SLX4IP: variants seen among roughly 807,000 people sequenced by gnomAD.
The protein encoded by SLX4IP is SLX4 interacting protein, also known as protein SLX4IP.
In SLX4IP, 34 loss-of-function variants were observed where a neutral mutation model predicts 32.9. The observed-to-expected ratio is 1.03, with a 90% confidence interval of 0.79 to 1.38. SLX4IP has a LOEUF of 1.38. Ranked by LOEUF, SLX4IP falls within the 40% of genes most tolerant of loss-of-function variation. SLX4IP has a pLI of 0.00. For synonymous variants in SLX4IP, 172 were observed against 171.7 expected (o/e 1.00, Z -0.01); for missense variants, 444 against 479.0 (o/e 0.93, Z 0.68).
At chr20:10,502,144 T>G (rs2065724759) in intron 2 of SLX4IP, among the ~76,000 whole-genome samples, 1 of 152,202 alleles carries the variant, frequency 6.6e-6, no homozygotes, top group Admixed American at 6.5e-5. Context: ...TCCTCAGTGC[T>G]AGTAAAGGTG....
intron 4 of SLX4IP, among the ~76,000 whole-genome samples, chr20:10,562,182 T>C (rs375631840): frequency 7.9e-5 from 12 of 152,306 alleles, no homozygotes; most frequent in African/African-American, 2.6e-4. Flanking sequence ...CTGCCTTATC[T>C]CAAGGACAGA....
At chr20:10,607,003 CT>C (rs2066913390) in intron 6 of SLX4IP, among the ~76,000 whole-genome samples, 1 of 152,056 alleles carries the variant, frequency 6.6e-6, no homozygotes, top group African/African-American at 2.4e-5. Context: ...CTGTAATGAT[CT>C]CTGCTTTCGA....
At chr20:10,593,134 T>C (rs998848108) in intron 4 of SLX4IP, among the ~76,000 whole-genome samples, 3 of 152,192 alleles carry the variant, frequency 2.0e-5, no homozygotes, top group African/African-American at 7.2e-5. Flanking sequence ...GGTTAGCACA[T>C]AGTAATCTGA....
intron 2 of SLX4IP, among the ~76,000 whole-genome samples, chr20:10,482,630 G>T (rs951654072): frequency 6.6e-6 from 1 of 152,130 alleles, no homozygotes; most frequent in Non-Finnish European, 1.5e-5. Context: ...TGGGGAGAGT[G>T]GGGTAGGGTG....
intron 4 of SLX4IP, among the ~76,000 whole-genome samples, chr20:10,583,835 A>C (rs144077183): frequency 6.6e-6 from 1 of 152,328 alleles, no homozygotes; most frequent in East Asian, 1.9e-4. Flanking sequence ...CTGTTTAAGC[A>C]AAACAAAATT....
At chr20:10,614,142 G>T in intron 6 of SLX4IP, 4 of 1,186,178 alleles carry the variant, frequency 3.4e-6, no homozygotes, top group Non-Finnish European at 4.9e-6. Flanking sequence ...GCCATCGGAG[G>T]CCTCGCGTTG....
chr20:10,582,054 AT>A (rs2066593003), intron 4 of SLX4IP, among the ~76,000 whole-genome samples: 1 of 152,184 alleles, frequency 6.6e-6, no homozygotes, highest in East Asian at 1.9e-4. Context: ...GCATAATAAA[AT>A]GTTATGAGCT....
At chr20:10,566,164 G>A in intron 4 of SLX4IP, among the ~76,000 whole-genome samples, 1 of 151,862 alleles carries the variant, frequency 6.6e-6, no homozygotes, top group East Asian at 1.9e-4. Context: ...CATCTGATTA[G>A]CATTCTTTAC....
chr20:10,496,183 A>G (rs773314282), intron 2 of SLX4IP, among the ~76,000 whole-genome samples: 10 of 152,036 alleles, frequency 6.6e-5, no homozygotes, highest in Non-Finnish European at 1.3e-4. Context: ...GTGCTTATGC[A>G]TGTGTCTGGG....
intron 4 of SLX4IP, among the ~76,000 whole-genome samples, chr20:10,598,167 C>A (rs2066795781): frequency 6.6e-6 from 1 of 152,196 alleles, no homozygotes; most frequent in African/African-American, 2.4e-5. Flanking sequence ...GGACTAGGGA[C>A]TATGCCAGCG....
chr20:10,576,779 T>C (rs2066528590), intron 4 of SLX4IP, among the ~76,000 whole-genome samples: 1 of 152,158 alleles, frequency 6.6e-6, no homozygotes, highest in South Asian at 2.1e-4. Flanking sequence ...ACAATATAAG[T>C]TGCTGCTAAA....
At chr20:10,570,603 A>T (rs2066451701) in intron 4 of SLX4IP, among the ~76,000 whole-genome samples, 3 of 150,900 alleles carry the variant, frequency 2.0e-5, no homozygotes, top group African/African-American at 7.3e-5. Flanking sequence ...ATCTCAGCTC[A>T]TTGCAACCTC....
chr20:10,553,540 C>T (rs530402002), intron 2 of SLX4IP, among the ~76,000 whole-genome samples: 6 of 152,278 alleles, frequency 3.9e-5, no homozygotes, highest in Admixed American at 2.6e-4. Flanking sequence ...TTGTGGCATG[C>T]GACCTCCACC....
At chr20:10,436,437 AT>A (rs1555803919) in intron 1 of SLX4IP, among the ~76,000 whole-genome samples, 1 of 151,600 alleles carries the variant, frequency 6.6e-6, no homozygotes, top group Non-Finnish European at 1.5e-5. Flanking sequence ...GCTCACTGCC[AT>A]CTCCGCCCCC....
intron 2 of SLX4IP, among the ~76,000 whole-genome samples, chr20:10,525,106 T>G (rs80259603): frequency 0.016 from 2,507 of 152,336 alleles, 32 homozygotes; most frequent in Non-Finnish European, 0.025. Context: ...ATAAAATCTT[T>G]ACAATCTGAT....
chr20:10,563,631 C>T (rs1005438873), intron 4 of SLX4IP, among the ~76,000 whole-genome samples: 10 of 152,086 alleles, frequency 6.6e-5, no homozygotes, highest in African/African-American at 1.4e-4. Flanking sequence ...TATGGATATC[C>T]GGTTTTCCCA....
chr20:10,569,412 C>T (rs143339438), intron 4 of SLX4IP, among the ~76,000 whole-genome samples: 5 of 152,076 alleles, frequency 3.3e-5, no homozygotes, highest in Non-Finnish European at 7.4e-5. Flanking sequence ...TGATCCACCC[C>T]CTTCGGCCTC....
At position 10,484,237 on chromosome 20, in the gene SLX4IP, T is replaced by G. The variant is rs2065552366; in HGVS notation, c.27+26006T>G. ...ATATTTTTCCTCCCCTACAATGAGA[T>G]AGCCTTTTATTTATTCATTCTGATA... On this transcript the variant is annotated intron_variant, in intron 2 of 7. Transcript: ENST00000334534. Among the ~76,000 whole-genome samples the G allele has an allele frequency of 3.9e-5, 6 of 152,134 alleles. No individual in the cohort carries two copies. In the South Asian group the frequency reaches 1.2e-3, roughly 32 times the overall value.
At chr20:10,455,930 T>C (rs147372999) in intron 1 of SLX4IP, among the ~76,000 whole-genome samples, 2 of 152,138 alleles carry the variant, frequency 1.3e-5, no homozygotes, top group East Asian at 3.9e-4. Flanking sequence ...GTTCTTATGC[T>C]AGTATAGGTT....
Sources: gnomAD v4.1 joint callset for allele counts (sites outside exome capture counted in the v4.1 genomes callset) on GRCh38, gnomAD v4.1.1 for gene constraint, MANE v1.5 for transcripts, NCBI Gene and HGNC (gene_info 2026-07-23, HGNC 2026-07-21) for gene names.